WWOX: variants seen among roughly 807,000 people sequenced by gnomAD.
The protein encoded by WWOX is WW domain containing oxidoreductase.
A neutral mutation model predicts 46.2 loss-of-function variants in WWOX; 69 were observed. The observed-to-expected ratio is 1.49, with a 90% CI of 1.23 to 1.82. The LOEUF is 1.82. Among genes scored for constraint, WWOX ranks in the 40% most tolerant of loss-of-function variants. The pLI is 0.00. For missense variants in WWOX, 919 were observed against 542.6 expected (o/e 1.69, Z -6.89); for synonymous variants, 359 against 202.6 (o/e 1.77, Z -6.56).
At chr16:78,887,233 C>T (rs1327947526) in intron 8 of WWOX, among the ~76,000 whole-genome samples, 1 of 151,492 alleles carries the variant, frequency 6.6e-6, no homozygotes, top group East Asian at 1.9e-4. Flanking sequence ...CAACTTAATC[C>T]ATTGTCATGA....
chr16:78,388,762 G>T (rs1248252886), intron 6 of WWOX, among the ~76,000 whole-genome samples: 1 of 151,750 alleles, frequency 6.6e-6, no homozygotes, highest in Non-Finnish European at 1.5e-5. Context: ...CTGAAGTCAG[G>T]AGTTCGAGAC....
intron 8 of WWOX, among the ~76,000 whole-genome samples, chr16:78,955,654 TG>T (rs1248538095): frequency 6.6e-6 from 1 of 151,968 alleles, no homozygotes; most frequent in Admixed American, 6.6e-5. Context: ...AATTTATTTT[TG>T]TTTTTTTTGT....
chr16:78,429,876 G>T (rs943631119), intron 7 of WWOX, among the ~76,000 whole-genome samples: 1 of 152,184 alleles, frequency 6.6e-6, no homozygotes, highest in African/African-American at 2.4e-5. Context: ...CAGGAAAGAT[G>T]GGGATGTATG....
chr16:78,891,860 A>C (rs2044597913), intron 8 of WWOX: 1 of 152,210 alleles, frequency 6.6e-6, no homozygotes, highest in African/African-American at 2.4e-5. Context: ...AATAATGACC[A>C]GTTATACTTC....
chr16:78,203,988 A>G (rs533785387), intron 5 of WWOX, among the ~76,000 whole-genome samples: 22 of 152,218 alleles, frequency 1.4e-4, no homozygotes, highest in Admixed American at 4.6e-4. Context: ...GTGTGTATCT[A>G]TAGTCTGCTT....
At chr16:78,636,903 C>G (rs533069993) in intron 8 of WWOX, among the ~76,000 whole-genome samples, 40 of 152,230 alleles carry the variant, frequency 2.6e-4, no homozygotes, top group African/African-American at 9.4e-4. Flanking sequence ...AATCTGAGGG[C>G]CTGTGCATTA....
At chr16:79,187,950 A>C (rs1185735040) in intron 8 of WWOX, among the ~76,000 whole-genome samples, 1 of 152,188 alleles carries the variant, frequency 6.6e-6, no homozygotes, top group Non-Finnish European at 1.5e-5. Flanking sequence ...CACGATTGAT[A>C]ATGTTCCCTC....
intron 8 of WWOX, among the ~76,000 whole-genome samples, chr16:79,002,476 G>A (rs1041747540): frequency 2.0e-5 from 3 of 152,040 alleles, no homozygotes; most frequent in Admixed American, 2.0e-4. Flanking sequence ...ACCTGCCTTG[G>A]CCTCCCAAAG....
intron 5 of WWOX, among the ~76,000 whole-genome samples, chr16:78,165,479 A>G (rs532591223): frequency 2.6e-5 from 4 of 152,298 alleles, no homozygotes; most frequent in African/African-American, 9.6e-5. Context: ...TGGGGTCCCC[A>G]AGGAAGAAGT....
intron 4 of WWOX, among the ~76,000 whole-genome samples, chr16:78,129,632 G>A (rs763416502): frequency 3.9e-5 from 6 of 151,958 alleles, no homozygotes; most frequent in Non-Finnish European, 7.4e-5. Context: ...ACTGGTTGGT[G>A]GCCTGGAGCC....
At chr16:78,919,806 C>T (rs548319761) in intron 8 of WWOX, among the ~76,000 whole-genome samples, 2 of 152,172 alleles carry the variant, frequency 1.3e-5, no homozygotes, top group Non-Finnish European at 2.9e-5. Flanking sequence ...TGAGCCACTG[C>T]ACCTGACTAA....
At chr16:79,166,759 C>A (rs1324799752) in intron 8 of WWOX, among the ~76,000 whole-genome samples, 1 of 152,174 alleles carries the variant, frequency 6.6e-6, no homozygotes, top group Non-Finnish European at 1.5e-5. Context: ...CAATGAAGCT[C>A]TTTAACACTG....
chr16:78,269,040 C>T (rs1339733001), intron 5 of WWOX: 2 of 152,160 alleles, frequency 1.3e-5, no homozygotes, highest in Non-Finnish European at 2.9e-5. Context: ...CATACTCCAC[C>T]ATCCCCAGGT....
chr16:78,215,108 G>T (rs1283924242), intron 5 of WWOX, among the ~76,000 whole-genome samples: 2 of 152,040 alleles, frequency 1.3e-5, no homozygotes, highest in Non-Finnish European at 2.9e-5. Flanking sequence ...ATGGAAGATT[G>T]CATGATATTT....
intron 8 of WWOX, among the ~76,000 whole-genome samples, chr16:78,547,727 A>G (rs1331615318): frequency 6.6e-6 from 1 of 152,096 alleles, no homozygotes; most frequent in Non-Finnish European, 1.5e-5. Flanking sequence ...ATGTCCTCAT[A>G]TCGTGGGAGG....
At chr16:78,307,965 A>G (rs970362098) in intron 5 of WWOX, among the ~76,000 whole-genome samples, 1 of 152,168 alleles carries the variant, frequency 6.6e-6, no homozygotes, top group African/African-American at 2.4e-5. Flanking sequence ...GCTCAGATCC[A>G]TGTGTGACAC....
intron 8 of WWOX, among the ~76,000 whole-genome samples, chr16:79,048,949 G>C (rs1381601518): frequency 1.3e-5 from 2 of 152,162 alleles, no homozygotes; most frequent in Non-Finnish European, 2.9e-5. Context: ...GTTAAACACA[G>C]GTGTCCACTG....
At chr16:78,939,163 G>A (rs1367293081) in intron 8 of WWOX, among the ~76,000 whole-genome samples, 1 of 152,178 alleles carries the variant, frequency 6.6e-6, no homozygotes, top group South Asian at 2.1e-4. Context: ...TGCTATTACA[G>A]ATGCCTCCCA....
chr16:78,438,267 T>G (rs1490612227), intron 8 of WWOX, among the ~76,000 whole-genome samples: 3 of 152,192 alleles, frequency 2.0e-5, no homozygotes, highest in Non-Finnish European at 4.4e-5. Flanking sequence ...CACAGAAACC[T>G]CATGCAGCGT....
Sources: allele counts gnomAD v4.1 joint callset (sites outside exome capture counted in the v4.1 genomes callset), GRCh38; gene constraint gnomAD v4.1.1; transcripts MANE v1.5; gene names NCBI Gene and HGNC (gene_info 2026-07-23, HGNC 2026-07-21).